Variants in NIPBL observed in about 807,000 individuals in gnomAD.
NIPBL encodes nipped-B-like protein.
A neutral mutation model predicts 321.8 loss-of-function variants in NIPBL; 19 were observed. The observed-to-expected ratio is 0.06, with a 90% CI of 0.04 to 0.09. NIPBL has a LOEUF of 0.09. NIPBL is among the 10% of genes least tolerant of loss of function. The pLI is 1.00. For missense variants in NIPBL, 2,210 were observed against 3,327.0 expected (o/e 0.66, Z 8.26); for synonymous variants, 1,106 against 1,114.1 (o/e 0.99, Z 0.14).
chr5:36,971,371 G>A (rs1326436665), intron 7 of NIPBL, among the ~76,000 whole-genome samples: 1 of 151,610 alleles, frequency 6.6e-6, no homozygotes, highest in East Asian at 1.9e-4. Context: ...TGACCTTGAG[G>A]TTTAGGTTCT....
chr5:36,983,798 G>T (rs1026631689), intron 9 of NIPBL, among the ~76,000 whole-genome samples: 1 of 151,924 alleles, frequency 6.6e-6, no homozygotes, highest in African/African-American at 2.4e-5. Context: ...TTGTAATGGT[G>T]AATTTGTGTT....
intron 10 of NIPBL, 89 bp downstream of exon 10, chr5:36,986,390 TAGAA>T (rs1744807134): frequency 1.1e-5 from 10 of 903,978 alleles, no homozygotes; most frequent in Middle Eastern, 3.8e-4. Flanking sequence ...TTACAAAAAT[TAGAA>T]AGCTACTACA....
intron 1 of NIPBL, among the ~76,000 whole-genome samples, chr5:36,912,739 A>T (rs1748141981): frequency 6.6e-6 from 1 of 151,982 alleles, no homozygotes; most frequent in Admixed American, 6.6e-5. Flanking sequence ...ACCTCAGGTG[A>T]TCCACCCGCC....
At chr5:36,886,069 C>T (rs960799899) in intron 1 of NIPBL, 33 of 700,404 alleles carry the variant, frequency 4.7e-5, no homozygotes, top group Admixed American at 2.0e-4. Context: ...CCGCGCAGGT[C>T]GGAGCTGCTG....
At position 36,985,288 on chromosome 5, in the gene NIPBL, C is replaced by T. The variant is rs779911564; in HGVS notation, c.2108C>T (p.Pro703Leu). Reference sequence around the variant, plus strand: ...ACAACAAAATCAAGGCCTGAAACCCCAAAGCAAAAGGGTGAAAGCCGGCCT... The same window carrying T: ...ACAACAAAATCAAGGCCTGAAACCCTAAAGCAAAAGGGTGAAAGCCGGCCT... ...SETTKSRPET[P>L]KQKGESRPET... is the part of the protein sequence containing the mutation. The change falls in exon 10 of 47, where the codon CCA becomes CTA. Residue 703 changes from proline (P) to leucine (L), a missense_variant. Pro to Leu is a moderately conservative substitution (Grantham distance 98). Around this residue, in one of 14 missense-constraint regions of NIPBL, gnomAD observed 588 missense variants for 564.1 expected, o/e 1.04. Transcript: ENST00000282516. 6.2e-7 allele frequency: 1 copy of T among 1,613,518 alleles called. No individual in the cohort carries two copies.
intron 10 of NIPBL, 173 bp from the exon 11 acceptor site, chr5:36,995,449 A>G (rs911203716): frequency 1.7e-6 from 1 of 579,654 alleles, no homozygotes; most frequent in East Asian, 2.9e-5. Flanking sequence ...ACACATACAT[A>G]TATATTAACT....
At chr5:37,036,176 G>T (rs1751660084) in intron 32 of NIPBL, among the ~76,000 whole-genome samples, 1 of 151,482 alleles carries the variant, frequency 6.6e-6, no homozygotes, top group African/African-American at 2.4e-5. Context: ...TGGTTTATAA[G>T]ATATTTTTAA....
At chr5:37,055,827 G>T (rs1023445017) in intron 42 of NIPBL, among the ~76,000 whole-genome samples, 2 of 152,056 alleles carry the variant, frequency 1.3e-5, no homozygotes, top group African/African-American at 4.8e-5. Context: ...GCAACATAGT[G>T]AGACCCTATC....
rs1193831771 is a variant in NIPBL at position 36,876,876 on chromosome 5, C to G, written c.-382C>G. The G allele has an allele frequency of 2.5e-6, 1 of 394,750 alleles. No individual in the cohort carries two copies. Among genetic ancestry groups the G allele is most frequent in the Non-Finnish European group, 4.5e-6 (1 of 224,394 alleles). 24.5% of individuals were successfully genotyped at this position (394,750 alleles called of 1,614,324 possible). On this transcript the variant is annotated 5_prime_UTR_variant, in exon 1 of 47. Transcript: ENST00000282516. ...TCGGTACCGACTCACCCGACACCAC[C>G]AAGCCGCAGGGAGGGACGCCCCCGC...
intron 1 of NIPBL, among the ~76,000 whole-genome samples, chr5:36,906,826 A>G (rs763720100): frequency 4.6e-5 from 7 of 152,206 alleles, no homozygotes; most frequent in Non-Finnish European, 8.8e-5. Flanking sequence ...ACTTTAATCT[A>G]TATGTTCCTC....
At chr5:37,053,819 G>T (rs1222460888) in intron 42 of NIPBL, among the ~76,000 whole-genome samples, 1 of 152,170 alleles carries the variant, frequency 6.6e-6, no homozygotes, top group Admixed American at 6.5e-5. Flanking sequence ...GCGCTAAGAA[G>T]TTTAACGAGC....
At chr5:36,936,255 A>G (rs904706232) in intron 1 of NIPBL, among the ~76,000 whole-genome samples, 1 of 152,158 alleles carries the variant, frequency 6.6e-6, no homozygotes, top group Non-Finnish European at 1.5e-5. Flanking sequence ...TTGAGTATAT[A>G]TAACATACAC....
At chr5:36,897,326 T>G (rs892088098) in intron 1 of NIPBL, among the ~76,000 whole-genome samples, 3 of 152,178 alleles carry the variant, frequency 2.0e-5, no homozygotes, top group African/African-American at 7.2e-5. Flanking sequence ...TAATTTTACT[T>G]CCAGATTGTT....
intron 26 of NIPBL, 43 bp downstream of exon 26, chr5:37,020,716 A>G (rs562066830): frequency 6.3e-7 from 1 of 1,598,792 alleles, no homozygotes; most frequent in African/African-American, 1.3e-5. Flanking sequence ...TCTCCTTGAT[A>G]TCTATTTCCC....
chr5:37,055,165 A>G (rs6894622), intron 42 of NIPBL, among the ~76,000 whole-genome samples: 34,152 of 151,970 alleles, frequency 0.22, 5,437 homozygotes, highest in African/African-American at 0.44. Context: ...CCTGGCCAAC[A>G]TGGCAAAATC....
intron 40 of NIPBL, chr5:37,050,809 G>A (rs1036321478): frequency 6.6e-6 from 1 of 152,034 alleles, no homozygotes; most frequent in Non-Finnish European, 1.5e-5. Flanking sequence ...AGTTAACCAA[G>A]GGCGTTCTCT....
chr5:36,974,078 G>C (rs1371210404), intron 8 of NIPBL, among the ~76,000 whole-genome samples: 1 of 152,204 alleles, frequency 6.6e-6, no homozygotes, highest in Admixed American at 6.5e-5. Context: ...TTGTAGGTTA[G>C]ATACATATCC....
Position 36,996,082 on chromosome 5 carries a change from G to A in NIPBL, c.3304+278G>A, listed in dbSNP as rs1746115443. On this transcript the variant is annotated intron_variant, in intron 11 of 46. Coordinates refer to ENST00000282516, the MANE Select transcript of NIPBL (RefSeq NM_133433.4). This position sits in a 1 kb window ranked among gnomAD's most constrained non-coding sequence, Gnocchi z 5.0. ...AACATTTATTGAGCTCCTATTATAT[G>A]CTAGACACTGAGAGTAAAAATGCAA... 6.6e-6 allele frequency among the ~76,000 whole-genome samples: 1 copy of A among 152,174 alleles called. No individual in the cohort carries two copies. Among genetic ancestry groups the A allele is most frequent in the Non-Finnish European group, 1.5e-5 (1 of 68,010 alleles).
At chr5:36,919,136 A>G (rs1180546796) in intron 1 of NIPBL, among the ~76,000 whole-genome samples, 1 of 151,842 alleles carries the variant, frequency 6.6e-6, no homozygotes, top group Non-Finnish European at 1.5e-5. Flanking sequence ...TAGAATTCGA[A>G]TCCATTTACA....
Sources: allele counts gnomAD v4.1 joint callset (sites outside exome capture counted in the v4.1 genomes callset), GRCh38; gene constraint gnomAD v4.1.1; regional missense constraint gnomAD v4.1.1; non-coding constraint Gnocchi (gnomAD v3.1); transcripts MANE v1.5; gene names NCBI Gene and HGNC (gene_info 2026-07-23, HGNC 2026-07-21).